The following CHST11 variants were observed in gnomAD, a reference collection of about 807,000 sequenced individuals.
CHST11 encodes the protein C4S-1.
In CHST11, 9 loss-of-function variants were observed where a neutral mutation model predicts 30.4. The observed-to-expected ratio is 0.30, with a 90% CI of 0.18 to 0.52. The LOEUF is 0.52. CHST11 is among the 20% of genes least tolerant of loss of function. CHST11 has a pLI of 0.97. For missense variants in CHST11, 348 were observed against 460.6 expected (o/e 0.76, Z 2.24); for synonymous variants, 152 against 187.8 (o/e 0.81, Z 1.56).
chr12:104,499,841 C>G (rs115885373), intron 1 of CHST11, among the ~76,000 whole-genome samples: 1,586 of 152,276 alleles, frequency 0.01, 30 homozygotes, highest in African/African-American at 0.036. Flanking sequence ...GGCCATGGGA[C>G]TGCCCCCACA....
intron 1 of CHST11, among the ~76,000 whole-genome samples, chr12:104,524,761 G>T (rs892543918): frequency 1.3e-5 from 2 of 152,174 alleles, no homozygotes; most frequent in African/African-American, 4.8e-5. Flanking sequence ...GGGATGAAAA[G>T]TCAAATAAGA....
intron 2 of CHST11, among the ~76,000 whole-genome samples, chr12:104,705,242 G>A (rs2040022414): frequency 6.6e-6 from 1 of 152,094 alleles, no homozygotes; most frequent in Admixed American, 6.5e-5. Flanking sequence ...TCATGGCCTG[G>A]AGGGTTTGGA....
intron 2 of CHST11, among the ~76,000 whole-genome samples, chr12:104,632,779 G>A (rs2136068686): frequency 6.6e-6 from 1 of 152,356 alleles, no homozygotes; most frequent in South Asian, 2.1e-4. Flanking sequence ...CTCTGCAGGA[G>A]GCGCCCACTC....
chr12:104,577,075 G>A (rs1298133169), intron 1 of CHST11, among the ~76,000 whole-genome samples: 1 of 151,954 alleles, frequency 6.6e-6, no homozygotes, highest in Non-Finnish European at 1.5e-5. Context: ...AAGGCTCCAG[G>A]TGGGGTGCTT....
intron 1 of CHST11, among the ~76,000 whole-genome samples, chr12:104,509,043 T>C (rs918460082): frequency 6.6e-6 from 1 of 152,142 alleles, no homozygotes; most frequent in African/African-American, 2.4e-5. Context: ...ATGACTTTCT[T>C]AACCAGCTTC....
intron 2 of CHST11, among the ~76,000 whole-genome samples, chr12:104,606,581 A>G (rs572726959): frequency 6.6e-6 from 1 of 152,278 alleles, no homozygotes; most frequent in Admixed American, 6.5e-5. Context: ...TGGGAGAGCC[A>G]GGCCTATGAA....
intron 2 of CHST11, among the ~76,000 whole-genome samples, chr12:104,694,087 T>C (rs2039922763): frequency 6.6e-6 from 1 of 152,194 alleles, no homozygotes; most frequent in Non-Finnish European, 1.5e-5. Context: ...CGCACATTTA[T>C]CTCAAAGTTT....
At chr12:104,699,471 G>A (rs2039974134) in intron 2 of CHST11, among the ~76,000 whole-genome samples, 1 of 152,166 alleles carries the variant, frequency 6.6e-6, no homozygotes. Flanking sequence ...TTTCGAAGGT[G>A]GCTGCTAGAA....
intron 1 of CHST11, among the ~76,000 whole-genome samples, chr12:104,493,056 G>A (rs1280642929): frequency 6.6e-6 from 1 of 151,920 alleles, no homozygotes; most frequent in Non-Finnish European, 1.5e-5. Flanking sequence ...AATCCAGGAC[G>A]TAACTGAGGA....
intron 1 of CHST11, among the ~76,000 whole-genome samples, chr12:104,587,225 C>T (rs752626312): frequency 6.6e-6 from 1 of 152,184 alleles, no homozygotes; most frequent in Non-Finnish European, 1.5e-5. Flanking sequence ...GAATCTTACT[C>T]TTCTATTCAT....
chr12:104,586,798 A>G (rs1003457286), intron 1 of CHST11, among the ~76,000 whole-genome samples: 8 of 152,248 alleles, frequency 5.3e-5, no homozygotes, highest in Non-Finnish European at 1.0e-4. Context: ...ATAATTACTC[A>G]TTTGAAGTGT....
intron 2 of CHST11, among the ~76,000 whole-genome samples, chr12:104,647,467 C>G (rs1369719184): frequency 6.6e-6 from 1 of 151,992 alleles, no homozygotes; most frequent in Non-Finnish European, 1.5e-5. Flanking sequence ...ACTTTAATTC[C>G]TCTACTCAAA....
At chr12:104,578,621 C>T (rs1352958884) in intron 1 of CHST11, among the ~76,000 whole-genome samples, 4 of 152,148 alleles carry the variant, frequency 2.6e-5, no homozygotes, top group Non-Finnish European at 1.5e-5. Context: ...TTTATTCTGT[C>T]CCAGAATCCC....
At chr12:104,696,943 G>C (rs1478946968) in intron 2 of CHST11, among the ~76,000 whole-genome samples, 1 of 152,152 alleles carries the variant, frequency 6.6e-6, no homozygotes, top group Non-Finnish European at 1.5e-5. Context: ...CAGCCCTGTG[G>C]ATCCCTCAGT....
At chr12:104,756,851 T>C in intron 2 of CHST11, 98 bp from the exon 3 acceptor site, 1 of 1,384,004 alleles carries the variant, frequency 7.2e-7, no homozygotes, top group Non-Finnish European at 9.9e-7. Context: ...CCAGCTTAGA[T>C]ATGTGTTTGA....
At chr12:104,668,151 T>G (rs540027606) in intron 2 of CHST11, among the ~76,000 whole-genome samples, 1 of 152,242 alleles carries the variant, frequency 6.6e-6, no homozygotes, top group Admixed American at 6.5e-5. Context: ...GAAGTCAGTT[T>G]ACACAATAAG....
At chr12:104,605,050 A>G (rs1157713791) in intron 2 of CHST11, among the ~76,000 whole-genome samples, 2 of 151,494 alleles carry the variant, frequency 1.3e-5, no homozygotes, top group African/African-American at 4.9e-5. Context: ...GTGAAATTCA[A>G]CCCAAAAACA....
intron 2 of CHST11, among the ~76,000 whole-genome samples, chr12:104,684,162 G>A (rs769054877): frequency 7.2e-5 from 11 of 152,186 alleles, no homozygotes; most frequent in East Asian, 1.9e-4. Context: ...AAAACTGTGC[G>A]TAGACGCATG....
intron 2 of CHST11, among the ~76,000 whole-genome samples, chr12:104,614,421 A>G (rs2039088083): frequency 6.6e-6 from 1 of 152,262 alleles, no homozygotes; most frequent in East Asian, 1.9e-4. Flanking sequence ...TTGTGCACCA[A>G]TTGTTCCAGC....
Sources: gnomAD v4.1 joint callset for allele counts (sites outside exome capture counted in the v4.1 genomes callset) on GRCh38, gnomAD v4.1.1 for gene constraint, MANE v1.5 for transcripts, NCBI Gene and HGNC (gene_info 2026-07-23, HGNC 2026-07-21) for gene names.